The following PLCB3 variants were observed in gnomAD, a reference collection of about 807,000 sequenced individuals.
PLCB3 encodes phospholipase C beta 3.
In PLCB3, 54 loss-of-function variants were observed where a neutral mutation model predicts 152.1. The ratio of observed to expected loss-of-function variants is 0.36; its 90% CI spans 0.29 to 0.45. The LOEUF is 0.45. PLCB3 is among the 20% of genes least tolerant of loss of function. PLCB3 has a pLI of 1.00. For synonymous variants in PLCB3, 717 were observed against 698.7 expected, an observed-to-expected ratio of 1.03 and a Z score of -0.41; for missense variants, 1,248 against 1,687.5, an observed-to-expected ratio of 0.74 and a Z score of 4.56.
rs1407745002 is a variant in PLCB3 at position 64,258,915 on chromosome 11, C to T, written c.1284C>T (p.Tyr428=). The T allele has an allele frequency of 5.0e-6, 8 of 1,613,922 alleles. No homozygotes were observed. The highest frequency in any genetic ancestry group is 1.3e-5 in the African/African-American group (1 of 74,918). Residue 428 remains tyrosine, a synonymous_variant, in exon 12 of 31, where the codon TAC becomes TAT. Transcript: ENST00000279230. The surrounding 1 kb of genome is among the most constrained non-coding windows in gnomAD (Gnocchi z 7.2). The part of the protein sequence containing the change: ...SAKQQAKMAE[Y]CRSIFGDALL... ...AGCAACAGGCAAAGATGGCTGAGTA[C>T]TGCCGCTCCATCTTTGGAGACGCGC...
chr11:64,255,572 C>T lies in PLCB3; in HGVS notation c.553C>T (p.Arg185Trp), dbSNP rs773409515. The change falls in exon 7 of 31, where the codon CGG becomes TGG. Residue 185 changes from arginine to tryptophan, a missense_variant. Coordinates refer to ENST00000279230, the MANE Select transcript of PLCB3 (RefSeq NM_000932.5). The surrounding 1 kb of genome is among the most constrained non-coding windows in gnomAD (Gnocchi z 6.8). ...GAAGATGTTCTCAGCAGACAAGAAG[C>T]GGGTGGAGACTGCGCTGGAATCCTG... ...ILKMFSADKK[R>W]VETALESCGL... 7.3e-7 allele frequency: 1 copy of T among 1,360,904 alleles called. No individual in the cohort carries two copies. Among genetic ancestry groups the T allele is most frequent in the Non-Finnish European group, 9.8e-7 (1 of 1,020,638 alleles). The allele number at this position is 1,360,904 out of a possible 1,614,324, so 84.3% of individuals were successfully genotyped here. A position where few individuals can be genotyped will look rare whatever the true frequency, so the allele number is the denominator to read the frequency against.
In PLCB3 at chr11:64,260,141, C is replaced by A. The variant is rs1362819529; in HGVS notation, c.1638C>A (p.Gly546=). The A allele has an allele frequency of 6.2e-7, 1 of 1,610,746 alleles. No individual in the cohort carries two copies. The highest frequency in any genetic ancestry group is 2.2e-5 in the East Asian group (1 of 44,844). The change falls in exon 14 of 31, where the codon GGC becomes GGA. Residue 546 remains glycine (G), a synonymous_variant. Transcript: ENST00000279230. ...TGGGTGACGAGGGCCTGAACCGAGG[C>A]CCCTATGTTCTTGGACCTGCTGACC... ...KSLGDEGLNR[G]PYVLGPADRE...
intron 1 of PLCB3, among the ~76,000 whole-genome samples, chr11:64,252,613 C>G (rs1383660810): frequency 6.6e-6 from 1 of 152,150 alleles, no homozygotes; most frequent in Non-Finnish European, 1.5e-5. Context: ...GGGTGGGGCC[C>G]CGGGGTAGGC....
At position 64,265,517 on chromosome 11, in the gene PLCB3, C is replaced by A. The variant is rs368241206; in HGVS notation, c.3035+15C>A. ...CCAGGTGCCCTGTGAGTGTCTGGGCCGCCTGTGTGCTATGTGTGCTGGGTG... is the reference window on the plus strand; with the variant it reads ...CCAGGTGCCCTGTGAGTGTCTGGGCAGCCTGTGTGCTATGTGTGCTGGGTG... On this transcript the variant is annotated intron_variant, in intron 25 of 30. Transcript: ENST00000279230. The A allele has an allele frequency of 1.0e-5, 16 of 1,586,716 alleles. No homozygotes were observed. The highest frequency in any genetic ancestry group is 1.3e-5 in the Non-Finnish European group (15 of 1,171,812).
At chr11:64,261,704 G>T in intron 16 of PLCB3, 39 bp downstream of exon 16, 1 of 1,573,234 alleles carries the variant, frequency 6.4e-7, no homozygotes. Flanking sequence ...AGGCCAGGGT[G>T]GGGCGCTCGG....
rs774505582 is a variant in PLCB3 at position 64,262,704 on chromosome 11, A to T, written c.2251A>T (p.Met751Leu). The T allele has an allele frequency of 1.4e-5, 23 of 1,613,898 alleles. No homozygotes were observed. Among genetic ancestry groups the T allele is most frequent in the Non-Finnish European group, 1.9e-5 (23 of 1,179,998 alleles). The part of the protein sequence containing the change: ...RKVGIYVEVD[M>L]FGLPVDTRRK... ...GGTGGGCATCTACGTGGAGGTGGAC[A>T]TGTTTGGCCTCCCTGTTGATACGCG... Residue 751 changes from methionine (M) to leucine (L), a missense_variant, in exon 19 of 31, where the codon ATG (methionine) becomes TTG (leucine). Coordinates refer to ENST00000279230, the MANE Select transcript of PLCB3 (RefSeq NM_000932.5).
Position 64,260,064 on chromosome 11 carries a change from A to G in PLCB3, c.1561A>G (p.Asn521Asp). The G allele has an allele frequency of 3.1e-6, 5 of 1,611,802 alleles. No homozygotes were observed. The highest frequency in any genetic ancestry group is 3.4e-6 in the Non-Finnish European group (4 of 1,179,326). The change falls in exon 14 of 31, where the codon AAT becomes GAT. Residue 521 changes from asparagine (N) to aspartate (D), a missense_variant. Asn to Asp is a conservative substitution (Grantham distance 23). Transcript: ENST00000279230. The stretch of plus-strand genomic sequence containing the variant: ...CTCTGACAGCTGCCCAGGCCTGAGC[A>G]ATGGGGAGGAGGTAGGGCTTGAGAA... ...PSSDSCPGLS[N>D]GEEVGLEKPS...
intron 8 of PLCB3, 72 bp from the exon 9 acceptor site, chr11:64,256,304 A>C: frequency 7.0e-7 from 1 of 1,425,200 alleles, no homozygotes; most frequent in Non-Finnish European, 9.6e-7. Context: ...TCCCTTGCCC[A>C]GGGCAAGGGC....
At position 64,258,557 on chromosome 11, in the gene PLCB3, G is replaced by GCCCA; in HGVS notation, c.1097_1098insCCCA (p.Trp366CysfsTer8). ...TGCCGCTGCGTGGAGCTGGACGTGT[G>GCCCA]GAAGGGACGGCCGCCTGAGGAGGAA... On this transcript the variant is annotated frameshift_variant, in exon 11 of 31. Coordinates refer to ENST00000279230, the MANE Select transcript of PLCB3 (RefSeq NM_000932.5). LOFTEE classifies it high-confidence loss of function. The surrounding 1 kb of genome is among the most constrained non-coding windows in gnomAD (Gnocchi z 7.2). 1 of 1,613,998 alleles carries GCCCA rather than the reference G, an allele frequency of 6.2e-7. No individual in the cohort carries two copies. Among genetic ancestry groups the GCCCA allele is most frequent in the Non-Finnish European group, 8.5e-7 (1 of 1,180,026 alleles).
intron 22 of PLCB3, 101 bp downstream of exon 22, chr11:64,264,213 C>A: frequency 1.3e-6 from 1 of 740,886 alleles, no homozygotes; most frequent in Non-Finnish European, 2.1e-6. Context: ...GTCTCTCTAG[C>A]GCAGTAGGCT....
At position 64,254,744 on chromosome 11, in the gene PLCB3, C is replaced by G. The variant is rs771973454; in HGVS notation, c.178-4C>G. 1 of 1,612,598 alleles carries G rather than the reference C, an allele frequency of 6.2e-7. No homozygotes were observed. Among genetic ancestry groups the G allele is most frequent in the African/African-American group, 1.3e-5 (1 of 75,026 alleles). On this transcript the variant is annotated splice_region_variant and splice_polypyrimidine_tract_variant and intron_variant, in intron 2 of 30. Coordinates refer to ENST00000279230, the MANE Select transcript of PLCB3 (RefSeq NM_000932.5). ...TACTCAGCCTGGCATCTGGTTCCCC[C>G]CAGGAGGTGGACACACTGGACATCA...
Position 64,263,719 on chromosome 11 carries a change from G to C in PLCB3, c.2484G>C (p.Glu828Asp), listed in dbSNP as rs1379549050. Residue 828 changes from glutamate (E) to aspartate (D), a missense_variant, in exon 21 of 31, where the codon GAG becomes GAC. Physicochemically the swap from Glu to Asp is conservative, Grantham distance 45. Coordinates refer to ENST00000279230, the MANE Select transcript of PLCB3 (RefSeq NM_000932.5). Reference sequence around the variant, plus strand: ...ACCACTACGTCTGCCTGCGGAACGAGGCCAACCAACCGCTGTGCCTGCCGG... The same window carrying C: ...ACCACTACGTCTGCCTGCGGAACGACGCCAACCAACCGCTGTGCCTGCCGG... The part of the protein sequence containing the change: ...SGYHYVCLRN[E>D]ANQPLCLPAL... 1 of 1,613,582 alleles carries C rather than the reference G, an allele frequency of 6.2e-7. No homozygotes were observed. Among genetic ancestry groups the C allele is most frequent in the African/African-American group, 1.3e-5 (1 of 75,048 alleles).
Position 64,255,071 on chromosome 11 carries a change from C to A in PLCB3, c.387+33C>A. ...GGCACCAAGGGGACGAAGGGGGAGT[C>A]ACTGTCTTATTCTGTGAGTCGGCCG... On this transcript the variant is annotated intron_variant, in intron 4 of 30. Transcript: ENST00000279230. The surrounding 1 kb of genome is among the most constrained non-coding windows in gnomAD (Gnocchi z 6.8). 6.3e-7 allele frequency: 1 copy of A among 1,575,084 alleles called. No homozygotes were observed. Among genetic ancestry groups the A allele is most frequent in the South Asian group, 1.2e-5 (1 of 85,280 alleles).
chr11:64,259,746 G>A (rs150955973), intron 13 of PLCB3, among the ~76,000 whole-genome samples: 45 of 152,152 alleles, frequency 3.0e-4, no homozygotes, highest in African/African-American at 1.1e-3. Flanking sequence ...TTAGGGCTGT[G>A]GTATGCTACT....
chr11:64,264,916 AT>A, intron 22 of PLCB3, 34 bp from the exon 23 acceptor site: 1 of 1,610,670 alleles, frequency 6.2e-7, no homozygotes, highest in Non-Finnish European at 8.5e-7. Context: ...AGGGAACAGC[AT>A]TTCTGAAAAG....
At chr11:64,268,262 C>T (rs932539147), downstream of PLCB3, among the ~76,000 whole-genome samples, 2 of 152,194 alleles carry the variant, frequency 1.3e-5, no homozygotes, top group African/African-American at 2.4e-5. Flanking sequence ...TAGTATCTTC[C>T]GCTGGGGCTG....
Position 64,266,860 on chromosome 11 carries a change from C to T in PLCB3, c.3414+308C>T, listed in dbSNP as rs1482211858. On this transcript the variant is annotated intron_variant, in intron 29 of 30. Coordinates refer to ENST00000279230, the MANE Select transcript of PLCB3 (RefSeq NM_000932.5). The surrounding 1 kb of genome is among the most constrained non-coding windows in gnomAD (Gnocchi z 4.9). ...TGTCGCCCAGGCTGGAGTGCAGTGG[C>T]GCGATCTTGGCTCACTGCAACCTCT... Among the ~76,000 whole-genome samples, 7 of 152,064 alleles carry T rather than the reference C, an allele frequency of 4.6e-5. No individual in the cohort carries two copies. The highest frequency in any genetic ancestry group is 7.4e-5 in the Non-Finnish European group (5 of 67,982).
intron 22 of PLCB3, among the ~76,000 whole-genome samples, chr11:64,264,428 C>CCGTGGGGAGGGGTCAGGCA (rs1272803825): frequency 6.6e-6 from 1 of 152,138 alleles, no homozygotes; most frequent in Non-Finnish European, 1.5e-5. Flanking sequence ...GCAGTGGCTT[C>CCGTGGGGAGGGGTCAGGCA]CGTGGGGAGG....
downstream of PLCB3, chr11:64,268,492 C>T (rs1305692828): frequency 6.6e-6 from 1 of 152,378 alleles, no homozygotes; most frequent in East Asian, 1.9e-4. Flanking sequence ...AGATGTTATG[C>T]CTGTTTTACA....
Sources: allele counts gnomAD v4.1 joint callset (sites outside exome capture counted in the v4.1 genomes callset), GRCh38; gene constraint gnomAD v4.1.1; non-coding constraint Gnocchi (gnomAD v3.1); transcripts MANE v1.5; gene names NCBI Gene and HGNC (gene_info 2026-07-23, HGNC 2026-07-21).